RNF150: variants seen among roughly 807,000 people sequenced by gnomAD.
The protein encoded by RNF150 is ring finger protein 150.
RNF150 carries 24 observed loss-of-function variants against 39.3 expected under a neutral mutation model. The ratio of observed to expected loss-of-function variants is 0.61; its 90% CI spans 0.44 to 0.86. The LOEUF (loss-of-function observed/expected upper bound fraction) is 0.86, where lower values mean the gene tolerates loss of function less well. Ranked by LOEUF, RNF150 falls within the 40% of genes least tolerant of loss-of-function variation. The pLI, the probability that RNF150 is intolerant of heterozygous loss-of-function variation, is 0.00. For missense variants in RNF150, 502 were observed against 587.8 expected (o/e 0.85, Z 1.51); for synonymous variants, 255 against 227.3 (o/e 1.12, Z -1.10).
At chr4:140,938,936 C>A (rs1162324632) in intron 4 of RNF150, among the ~76,000 whole-genome samples, 1 of 152,108 alleles carries the variant, frequency 6.6e-6, no homozygotes, top group Non-Finnish European at 1.5e-5. Flanking sequence ...TCTGGTTAGA[C>A]GGACAGGGAT....
intron 1 of RNF150, among the ~76,000 whole-genome samples, chr4:141,117,160 G>A (rs1056912818): frequency 2.0e-5 from 3 of 151,920 alleles, no homozygotes; most frequent in Non-Finnish European, 2.9e-5. Context: ...AAATATATAC[G>A]TACAAAAGAG....
Position 141,132,745 on chromosome 4 carries a change from A to T in RNF150, c.64T>A (p.Cys22Ser). 6.2e-7 allele frequency: 1 copy of T among 1,610,524 alleles called. No homozygotes were observed. Among genetic ancestry groups the T allele is most frequent in the Non-Finnish European group, 8.5e-7 (1 of 1,178,618 alleles). The change falls in exon 1 of 7, where the codon TGT becomes AGT. Residue 22 changes from cysteine (C) to serine (S), a missense_variant. By Grantham distance (112) the Cys-to-Ser change is moderately radical. Transcript: ENST00000515673. The surrounding 1 kb of genome is among the most constrained non-coding windows in gnomAD (Gnocchi z 4.9). ...LALSTWLLSF[C>S]FVHLLCLDFT... ...TCCAGGCAGAGCAGATGCACGAAAC[A>T]AAAGGAAAGCAGCCATGTTGAGAGA...
intron 1 of RNF150, among the ~76,000 whole-genome samples, chr4:141,123,296 T>C (rs910360912): frequency 5.7e-4 from 87 of 152,254 alleles, no homozygotes; most frequent in African/African-American, 2.0e-3. Flanking sequence ...GCCCCACTCT[T>C]GTGGAGCTTA....
At chr4:141,171,721 T>C (rs1727728740) in intron 1 of RNF150, among the ~76,000 whole-genome samples, 2 of 152,232 alleles carry the variant, frequency 1.3e-5, no homozygotes, top group South Asian at 4.1e-4. Context: ...CATGTACATA[T>C]AGCACAACTG....
chr4:140,997,688 C>CTGTGTGAGTATATATACACACACATATA (rs1734426847), intron 1 of RNF150, among the ~76,000 whole-genome samples: 1 of 137,054 alleles, frequency 7.3e-6, no homozygotes, highest in Non-Finnish European at 1.6e-5. Context: ...GCACTCCAGC[C>CTGTGTGAGTATATATACACACACATATA]TGTGTGTGTA....
chr4:141,169,313 T>A (rs1304591542), intron 1 of RNF150, among the ~76,000 whole-genome samples: 2 of 152,176 alleles, frequency 1.3e-5, no homozygotes, highest in East Asian at 3.9e-4. Flanking sequence ...GTAAGTTTCC[T>A]GAGGCCTCCC....
At chr4:141,137,662 A>C (rs1047003813), upstream of RNF150, among the ~76,000 whole-genome samples, 5 of 152,234 alleles carry the variant, frequency 3.3e-5, no homozygotes, top group African/African-American at 1.2e-4. Context: ...AATTTCATGC[A>C]GTTTGCTTCA....
chr4:140,885,703 A>G (rs1439381601), intron 6 of RNF150, among the ~76,000 whole-genome samples: 3 of 151,636 alleles, frequency 2.0e-5, no homozygotes, highest in Non-Finnish European at 2.9e-5. Flanking sequence ...CCCAGGTTCA[A>G]GCAATTCTCC....
chr4:140,972,920 G>A (rs1483181995), intron 1 of RNF150, among the ~76,000 whole-genome samples: 1 of 152,142 alleles, frequency 6.6e-6, no homozygotes, highest in African/African-American at 2.4e-5. Context: ...GAATAAGACA[G>A]GATGAGCCAA....
chr4:141,184,808 G>T (rs906606493), intron 1 of RNF150, among the ~76,000 whole-genome samples: 11 of 151,866 alleles, frequency 7.2e-5, no homozygotes, highest in African/African-American at 2.7e-4. Flanking sequence ...AAGATCAGAT[G>T]GTTGTAGATG....
intron 1 of RNF150, among the ~76,000 whole-genome samples, chr4:141,020,156 C>A (rs1188067493): frequency 1.3e-5 from 2 of 151,650 alleles, no homozygotes; most frequent in Non-Finnish European, 2.9e-5. Flanking sequence ...AAAATACATA[C>A]ATTTTGTAAG....
intron 1 of RNF150, among the ~76,000 whole-genome samples, chr4:141,204,836 A>G (rs1338308521): frequency 6.6e-6 from 1 of 152,204 alleles, no homozygotes; most frequent in African/African-American, 2.4e-5. Flanking sequence ...AGGGTCAGAT[A>G]TGCAAATCTT....
intron 2 of RNF150, among the ~76,000 whole-genome samples, chr4:140,960,726 A>G (rs758141785): frequency 1.3e-5 from 2 of 152,072 alleles, no homozygotes; most frequent in African/African-American, 2.4e-5. Flanking sequence ...GGAAGATTCC[A>G]TTTTGTTTCA....
intron 1 of RNF150, among the ~76,000 whole-genome samples, chr4:141,166,353 C>A (rs1032934257): frequency 6.6e-6 from 1 of 152,166 alleles, no homozygotes; most frequent in Non-Finnish European, 1.5e-5. Context: ...GGATTCACAG[C>A]CGAATTCTAC....
In RNF150 at chr4:141,133,428, C is replaced by A. The variant is rs537375974; in HGVS notation, c.-620G>T. 4.0e-4 allele frequency: 67 copies of A among 169,386 alleles called. No homozygotes were observed. The highest frequency in any genetic ancestry group is 1.4e-3 in the African/African-American group (59 of 41,652). The allele number at this position is 169,386 out of a possible 1,614,324, so 10.5% of individuals were successfully genotyped here. A position where few individuals can be genotyped will look rare whatever the true frequency, so the allele number is the denominator to read the frequency against. The stretch of plus-strand genomic sequence containing the variant: ...CGGGCTTGGGGACAGTGGGAGCGAG[C>A]AGGCAGAGCGGAGTAAGCGGTCCGT... On this transcript the variant is annotated 5_prime_UTR_variant, in exon 1 of 7. Transcript: ENST00000515673.
intron 6 of RNF150, among the ~76,000 whole-genome samples, chr4:140,869,950 A>T (rs1728864364): frequency 1.3e-5 from 2 of 152,190 alleles, no homozygotes; most frequent in Admixed American, 6.5e-5. Context: ...ATATGCAATT[A>T]AAAAAACCAA....
intron 1 of RNF150, among the ~76,000 whole-genome samples, chr4:141,004,523 C>T (rs1734795470): frequency 6.6e-6 from 1 of 152,178 alleles, no homozygotes. Flanking sequence ...TTAGACATTG[C>T]TAACAGAATT....
intron 1 of RNF150, among the ~76,000 whole-genome samples, chr4:141,096,155 A>G (rs1362320133): frequency 9.6e-6 from 1 of 104,504 alleles, no homozygotes; most frequent in Middle Eastern, 5.7e-3. Context: ...GTGCATTCAT[A>G]TTCTTTTTTA....
chr4:141,142,487 T>C (rs1259042923), intron 1 of RNF150, among the ~76,000 whole-genome samples: 1 of 152,148 alleles, frequency 6.6e-6, no homozygotes, highest in Non-Finnish European at 1.5e-5. Flanking sequence ...ACAACTTCAT[T>C]CCTCCTCCCT....
Sources: allele counts gnomAD v4.1 joint callset (sites outside exome capture counted in the v4.1 genomes callset), GRCh38; gene constraint gnomAD v4.1.1; non-coding constraint Gnocchi (gnomAD v3.1); transcripts MANE v1.5; gene names NCBI Gene and HGNC (gene_info 2026-07-23, HGNC 2026-07-21).